The following TTPAL variants were observed in gnomAD, a reference collection of about 807,000 sequenced individuals.
The protein encoded by TTPAL is alpha tocopherol transfer protein like, also known as alpha-tocopherol transfer protein-like.
TTPAL carries 21 observed loss-of-function variants against 28.7 expected under a neutral mutation model. The observed-to-expected ratio is 0.73, with a 90% CI of 0.52 to 1.06. The LOEUF (loss-of-function observed/expected upper bound fraction) is 1.06, where lower values mean the gene tolerates loss of function less well. Among genes scored for constraint, TTPAL ranks in the 50% least tolerant of loss-of-function variants. The pLI, the probability that TTPAL is intolerant of heterozygous loss-of-function variation, is 0.00. For missense variants in TTPAL, 345 were observed against 425.5 expected (o/e 0.81, Z 1.67); for synonymous variants, 169 against 171.9 (o/e 0.98, Z 0.13).
At position 44,493,073 on chromosome 20, in the gene TTPAL, C is replaced by T. The variant is rs7269999; in HGVS notation, c.*3532C>T. On this transcript the variant is annotated 3_prime_UTR_variant, in exon 5 of 5. Coordinates refer to ENST00000262605, the MANE Select transcript of TTPAL (RefSeq NM_001039199.3). ...TGAGGTGGGTGTATCACCTGAAGTCCGGAGTTTGAGACCAGCCTGGCCAAC... is the reference window on the plus strand; with the variant it reads ...TGAGGTGGGTGTATCACCTGAAGTCTGGAGTTTGAGACCAGCCTGGCCAAC... The T allele has an allele frequency of 6.6e-6, 1 of 151,938 alleles. No individual in the cohort carries two copies. The highest frequency in any genetic ancestry group is 1.9e-4 in the East Asian group (1 of 5,280). 9.4% of individuals were successfully genotyped at this position (151,938 alleles called of 1,614,324 possible).
chr20:44,481,638 C>T, intron 2 of TTPAL, among the ~76,000 whole-genome samples: 1 of 152,196 alleles, frequency 6.6e-6, no homozygotes, highest in East Asian at 1.9e-4. Flanking sequence ...CCCTCTTTCG[C>T]TCATTCATAT....
chr20:44,492,981 G>C lies in TTPAL; in HGVS notation c.*3440G>C, dbSNP rs2064221375. The C allele has an allele frequency of 6.6e-6, 1 of 152,208 alleles. No homozygotes were observed. The highest frequency in any genetic ancestry group is 1.5e-5 in the Non-Finnish European group (1 of 68,016). The allele number at this position is 152,208 out of a possible 1,614,324, so 9.4% of individuals were successfully genotyped here. A position where few individuals can be genotyped will look rare whatever the true frequency, so the allele number is the denominator to read the frequency against. ...CACAAGGAGTCACTTATCTTAGGAGGTCTGTAAGTCAGGTTACAAGGCCGG... is the reference window on the plus strand; with the variant it reads ...CACAAGGAGTCACTTATCTTAGGAGCTCTGTAAGTCAGGTTACAAGGCCGG... On this transcript the variant is annotated 3_prime_UTR_variant, in exon 5 of 5. Transcript: ENST00000262605.
chr20:44,486,478 G>A (rs2064152889), intron 3 of TTPAL, 118 bp from the exon 4 acceptor site: 3 of 659,370 alleles, frequency 4.5e-6, no homozygotes, highest in Non-Finnish European at 8.1e-6. Flanking sequence ...TGTCATTGAG[G>A]AGGCCATAAG....
At chr20:44,489,140 A>C in intron 4 of TTPAL, 123 bp from the exon 5 acceptor site, 1 of 1,087,360 alleles carries the variant, frequency 9.2e-7, no homozygotes, top group Admixed American at 2.7e-5. Flanking sequence ...GTAAGGGTAG[A>C]GTTGCCATTA....
Position 44,491,354 on chromosome 20 carries a change from G to C in TTPAL, c.*1813G>C, listed in dbSNP as rs139954446. 6.6e-6 allele frequency: 1 copy of C among 152,168 alleles called. No individual in the cohort carries two copies. The highest frequency in any genetic ancestry group is 2.4e-5 in the African/African-American group (1 of 41,394). 9.4% of individuals were successfully genotyped at this position (152,168 alleles called of 1,614,324 possible). On this transcript the variant is annotated 3_prime_UTR_variant, in exon 5 of 5. Coordinates refer to ENST00000262605, the MANE Select transcript of TTPAL (RefSeq NM_001039199.3). The stretch of plus-strand genomic sequence containing the variant: ...TTCTAATGTATTCCACATGATCATG[G>C]TGTTAAATAGTGAAAAGTACTGTGT...
intron 1 of TTPAL, among the ~76,000 whole-genome samples, chr20:44,479,011 G>T (rs961461728): frequency 1.3e-5 from 2 of 152,008 alleles, no homozygotes; most frequent in Non-Finnish European, 2.9e-5. Flanking sequence ...GGATGGTCTC[G>T]ATCGCCTGAC....
intron 1 of TTPAL, among the ~76,000 whole-genome samples, chr20:44,477,151 G>T (rs929601886): frequency 7.2e-5 from 11 of 152,204 alleles, no homozygotes; most frequent in Admixed American, 4.6e-4. Flanking sequence ...GTGCATCAAG[G>T]TGGGGTGCGA....
rs1324601175 is a variant in TTPAL, at chr20:44,492,314, T to C, written c.*2773T>C. 6.6e-6 allele frequency: 1 copy of C among 152,310 alleles called. No individual in the cohort carries two copies. The highest frequency in any genetic ancestry group is 1.5e-5 in the Non-Finnish European group (1 of 68,048). 9.4% of individuals were successfully genotyped at this position (152,310 alleles called of 1,614,324 possible). A position where few individuals can be genotyped will look rare whatever the true frequency, so the allele number is the denominator to read the frequency against. On this transcript the variant is annotated 3_prime_UTR_variant, in exon 5 of 5. Transcript: ENST00000262605. The stretch of plus-strand genomic sequence containing the variant: ...ACCCATGAACCTCAAGAACTGGGAG[T>C]ATGTTCCTTCAGGGAGAAGTTCTGG...
At chr20:44,481,652 C>T (rs754716931) in intron 2 of TTPAL, among the ~76,000 whole-genome samples, 1 of 152,148 alleles carries the variant, frequency 6.6e-6, no homozygotes, top group African/African-American at 2.4e-5. Flanking sequence ...TTCATATAAA[C>T]GCCCTCTTGA....
intron 2 of TTPAL, among the ~76,000 whole-genome samples, chr20:44,481,764 C>T (rs2064107727): frequency 6.6e-6 from 1 of 152,192 alleles, no homozygotes; most frequent in South Asian, 2.1e-4. Flanking sequence ...TCAGACTTTA[C>T]TATGTATGTA....
chr20:44,480,027 ACCAGC>A lies in TTPAL; in HGVS notation c.31_35del (p.Ser11PhefsTer7). The A allele has an allele frequency of 6.2e-7, 1 of 1,613,862 alleles. No individual in the cohort carries two copies. The highest frequency in any genetic ancestry group is 1.1e-5 in the South Asian group (1 of 91,070). ...GTCCGAAGAAAGTGACTCTCTGAGA[ACCAGC>A]CCTTCTGTGGCCTCACTCTCTGAAA... On this transcript the variant is annotated frameshift_variant, in exon 2 of 5. Transcript: ENST00000262605. LOFTEE classifies it high-confidence loss of function. The surrounding 1 kb of genome is among the most constrained non-coding windows in gnomAD (Gnocchi z 4.1).
rs1344759161 is a variant in TTPAL, at chr20:44,489,684, A to G, written c.*143A>G. The G allele has an allele frequency of 2.2e-6, 2 of 915,022 alleles. No homozygotes were observed. Among genetic ancestry groups the G allele is most frequent in the East Asian group, 5.3e-5 (2 of 37,694 alleles). The allele number at this position is 915,022 out of a possible 1,614,324, so 56.7% of individuals were successfully genotyped here. On this transcript the variant is annotated 3_prime_UTR_variant, in exon 5 of 5. Transcript: ENST00000262605. ...AGGAACAGCCTGAGATATGAGCATG[A>G]GCCCATTTTGGGGTAAGCCTTTGGT...
rs2064194660 is a variant in TTPAL, at chr20:44,490,464, T to G, written c.*923T>G. ...AGGCTCTGGGATTTGGTTTAGTTAC[T>G]GAATGTTAGATTTTCTGCCTAGAAA... On this transcript the variant is annotated 3_prime_UTR_variant, in exon 5 of 5. Transcript: ENST00000262605. The G allele has an allele frequency of 6.6e-6, 1 of 152,376 alleles. No homozygotes were observed. Among genetic ancestry groups the G allele is most frequent in the Admixed American group, 6.5e-5 (1 of 15,284 alleles). The allele number at this position is 152,376 out of a possible 1,614,324, so 9.4% of individuals were successfully genotyped here. A position where few individuals can be genotyped will look rare whatever the true frequency, so the allele number is the denominator to read the frequency against.
chr20:44,485,304 C>A (rs2064142051), intron 3 of TTPAL, among the ~76,000 whole-genome samples: 1 of 152,080 alleles, frequency 6.6e-6, no homozygotes, highest in African/African-American at 2.4e-5. Flanking sequence ...CATATCTGCA[C>A]CGTGTTTAAC....
At chr20:44,479,399 G>GTTTTTTT (rs869123576) in intron 1 of TTPAL, among the ~76,000 whole-genome samples, 3 of 81,564 alleles carry the variant, frequency 3.7e-5, no homozygotes, top group Non-Finnish European at 5.1e-5. Flanking sequence ...AATCTGAGTT[G>GTTTTTTT]TTTTTTTTTT....
At chr20:44,486,816 TAC>T (rs1170590520) in intron 4 of TTPAL, 110 bp downstream of exon 4, 12 of 623,968 alleles carry the variant, frequency 1.9e-5, no homozygotes, top group Non-Finnish European at 3.1e-5. Context: ...TTTGGAAAAG[TAC>T]AGAGTTACAG....
intron 3 of TTPAL, among the ~76,000 whole-genome samples, chr20:44,484,842 G>A (rs747192924): frequency 3.3e-5 from 5 of 152,148 alleles, no homozygotes; most frequent in Non-Finnish European, 5.9e-5. Context: ...GGCTGGGCGC[G>A]GTGGCTCACG....
intron 2 of TTPAL, among the ~76,000 whole-genome samples, chr20:44,482,995 C>A (rs1355068717): frequency 6.6e-6 from 1 of 152,086 alleles, no homozygotes; most frequent in Admixed American, 6.5e-5. Context: ...GTAGCTGAGA[C>A]TACAGGTGTG....
chr20:44,487,337 G>C (rs2064161435), intron 4 of TTPAL, among the ~76,000 whole-genome samples: 1 of 152,110 alleles, frequency 6.6e-6, no homozygotes, highest in Non-Finnish European at 1.5e-5. Context: ...CACTACTCAG[G>C]AGGCTGAGGT....
Sources: allele counts gnomAD v4.1 joint callset (sites outside exome capture counted in the v4.1 genomes callset), GRCh38; gene constraint gnomAD v4.1.1; non-coding constraint Gnocchi (gnomAD v3.1); transcripts MANE v1.5; gene names NCBI Gene and HGNC (gene_info 2026-07-23, HGNC 2026-07-21).